Variants in GALNTL6 observed in about 807,000 individuals in gnomAD.
The protein encoded by GALNTL6 is polypeptide N-acetylgalactosaminyltransferase like 6.
Under a neutral mutation model 73.7 loss-of-function variants are expected in GALNTL6, and 46 were observed. That is an observed-to-expected ratio of 0.62 (90% CI 0.49 to 0.80). GALNTL6 has a LOEUF of 0.80. Ranked by LOEUF, GALNTL6 falls within the 30% of genes least tolerant of loss-of-function variation. GALNTL6 has a pLI of 0.00. For synonymous variants in GALNTL6, 259 were observed against 263.7 expected, an observed-to-expected ratio of 0.98 and a Z score of 0.17; for missense variants, 604 against 755.0, an observed-to-expected ratio of 0.80 and a Z score of 2.34.
At chr4:173,021,428 C>T (rs756059897) in intron 11 of GALNTL6, 48 bp from the exon 12 acceptor site, 1 of 1,603,984 alleles carries the variant, frequency 6.2e-7, no homozygotes, top group South Asian at 1.1e-5. Context: ...TGCATCTTCT[C>T]TCCAAAACAA....
intron 10 of GALNTL6, among the ~76,000 whole-genome samples, chr4:173,001,386 C>T (rs910677842): frequency 1.3e-5 from 2 of 152,088 alleles, no homozygotes; most frequent in African/African-American, 2.4e-5. Flanking sequence ...TCTAAATGGA[C>T]CTAAACATAA....
chr4:172,491,803 C>T (rs1733904536), intron 5 of GALNTL6, among the ~76,000 whole-genome samples: 1 of 152,092 alleles, frequency 6.6e-6, no homozygotes, highest in African/African-American at 2.4e-5. Context: ...TATGTCAACA[C>T]TTGTACCAAT....
chr4:172,041,929 A>T (rs973823482), intron 2 of GALNTL6, among the ~76,000 whole-genome samples: 1 of 152,096 alleles, frequency 6.6e-6, no homozygotes, highest in African/African-American at 2.4e-5. Flanking sequence ...CTGGCAGTTG[A>T]CAGATTCTTT....
In GALNTL6 at chr4:172,809,558, T is replaced by C. The variant is rs770998629; in HGVS notation, c.739+12T>C. On this transcript the variant is annotated intron_variant, in intron 6 of 12. Transcript: ENST00000506823. The surrounding 1 kb of genome is among the most constrained non-coding windows in gnomAD (Gnocchi z 4.4). ...GCCCCCACTCCTCAGTGAGTACAGGTTGCTAAGCACCATCCTGGGATGCCT... is the reference window on the plus strand; with the variant it reads ...GCCCCCACTCCTCAGTGAGTACAGGCTGCTAAGCACCATCCTGGGATGCCT... 1 of 1,600,136 alleles carries C rather than the reference T, an allele frequency of 6.2e-7. No homozygotes were observed. Among genetic ancestry groups the C allele is most frequent in the South Asian group, 1.1e-5 (1 of 88,960 alleles).
intron 2 of GALNTL6, among the ~76,000 whole-genome samples, chr4:172,136,892 T>C (rs1733651286): frequency 1.3e-5 from 2 of 151,982 alleles, no homozygotes; most frequent in Admixed American, 6.6e-5. Flanking sequence ...AAAGACCCCA[T>C]AGCAATTAAA....
chr4:171,955,275 A>C (rs2111037600), intron 2 of GALNTL6, among the ~76,000 whole-genome samples: 1 of 152,226 alleles, frequency 6.6e-6, no homozygotes, highest in Admixed American at 6.5e-5. Context: ...ACAATACTGA[A>C]ATTCTTAGCA....
intron 3 of GALNTL6, among the ~76,000 whole-genome samples, chr4:172,305,989 G>A (rs1740121433): frequency 1.3e-5 from 2 of 152,102 alleles, no homozygotes; most frequent in Non-Finnish European, 2.9e-5. Flanking sequence ...AGTCTTAGAA[G>A]TGACAGAATC....
intron 3 of GALNTL6, among the ~76,000 whole-genome samples, chr4:172,281,029 C>T (rs1475061982): frequency 4.6e-5 from 7 of 151,284 alleles, no homozygotes; most frequent in East Asian, 3.9e-4. Context: ...ATTAGCCGGG[C>T]GTGGTGGCGA....
At chr4:171,942,476 T>G (rs1738581067) in intron 2 of GALNTL6, among the ~76,000 whole-genome samples, 1 of 152,196 alleles carries the variant, frequency 6.6e-6, no homozygotes, top group African/African-American at 2.4e-5. Flanking sequence ...TTACTCTGCT[T>G]AATTCTAATA....
intron 5 of GALNTL6, among the ~76,000 whole-genome samples, chr4:172,803,324 G>T (rs752299994): frequency 2.0e-5 from 3 of 152,190 alleles, no homozygotes; most frequent in Non-Finnish European, 4.4e-5. Context: ...AGTGCCATTA[G>T]ATTCTGATAG....
rs148367877 is a variant in GALNTL6 at position 172,081,109 on chromosome 4, GA to G, written c.139-148546del. Among the ~76,000 whole-genome samples the G allele has an allele frequency of 8.2e-3, 1,254 of 152,232 alleles. 17 individuals are homozygous for G. Among genetic ancestry groups the G allele is most frequent in the African/African-American group, 0.028 (1,180 of 41,532 alleles). The stretch of plus-strand genomic sequence containing the variant: ...TAGCACCCAAGTGCATGAATATATA[GA>G]GGCAACAGTTACTTGAGAAAAAATA... On this transcript the variant is annotated intron_variant, in intron 2 of 12. Transcript: ENST00000506823.
intron 4 of GALNTL6, among the ~76,000 whole-genome samples, chr4:172,344,182 G>A (rs191831934): frequency 7.6e-4 from 116 of 152,164 alleles, no homozygotes; most frequent in Non-Finnish European, 1.3e-3. Context: ...TTCCATATTG[G>A]TACATCATCT....
At chr4:172,724,377 A>G (rs539645635) in intron 5 of GALNTL6, among the ~76,000 whole-genome samples, 20 of 152,334 alleles carry the variant, frequency 1.3e-4, no homozygotes, top group Non-Finnish European at 2.6e-4. Flanking sequence ...CTCACGTAAC[A>G]TAAAATCTGG....
chr4:172,957,632 C>T (rs560481646), intron 10 of GALNTL6, among the ~76,000 whole-genome samples: 2 of 152,164 alleles, frequency 1.3e-5, no homozygotes, highest in African/African-American at 4.8e-5. Context: ...CTTTGAGAAG[C>T]GTTTTTATTA....
intron 10 of GALNTL6, among the ~76,000 whole-genome samples, chr4:173,005,712 T>C (rs941455558): frequency 3.3e-5 from 5 of 152,174 alleles, no homozygotes; most frequent in African/African-American, 4.8e-5. Flanking sequence ...ATACTAATCT[T>C]GAGGAAGAGC....
chr4:172,654,407 A>G (rs144467233), intron 5 of GALNTL6, among the ~76,000 whole-genome samples: 174 of 152,332 alleles, frequency 1.1e-3, no homozygotes, highest in African/African-American at 3.6e-3. Flanking sequence ...ACTTTAGTTC[A>G]CTAATCCTTT....
At chr4:172,550,963 T>A (rs1440083242) in intron 5 of GALNTL6, among the ~76,000 whole-genome samples, 1 of 152,186 alleles carries the variant, frequency 6.6e-6, no homozygotes, top group Non-Finnish European at 1.5e-5. Context: ...TGAAACATAG[T>A]CCCGCAGGAG....
Position 171,916,089 on chromosome 4 carries a change from ATTCTACG to A in GALNTL6, c.138+101374_138+101380del, listed in dbSNP as rs199525857. The stretch of plus-strand genomic sequence containing the variant: ...ACTATCATAAGCATTTCTTATTCAT[ATTCTACG>A]TTTGAGATATCATTCTTTTTGATTA... On this transcript the variant is annotated intron_variant, in intron 2 of 12. Coordinates refer to ENST00000506823, the MANE Select transcript of GALNTL6 (RefSeq NM_001034845.3). Among the ~76,000 whole-genome samples the A allele has an allele frequency of 1.5e-3, 232 of 152,244 alleles. 1 individual carries two copies. Among genetic ancestry groups the A allele is most frequent in the Admixed American group, 0.01 (153 of 15,282 alleles).
Position 171,855,414 on chromosome 4 carries a change from T to G in GALNTL6, c.138+40696T>G, listed in dbSNP as rs148752691. Among the ~76,000 whole-genome samples, 1,452 of 152,354 alleles carry G rather than the reference T, an allele frequency of 9.5e-3. 13 individuals carry two copies. The highest frequency in any genetic ancestry group is 0.017 in the Non-Finnish European group (1,143 of 68,040). ...GATTGGTTTCTTTCACGTAGCAATA[T>G]GCATTTAAGTTTCCTCCATGTCTTT... On this transcript the variant is annotated intron_variant, in intron 2 of 12. Transcript: ENST00000506823.
Sources: allele counts gnomAD v4.1 joint callset (sites outside exome capture counted in the v4.1 genomes callset), GRCh38; gene constraint gnomAD v4.1.1; non-coding constraint Gnocchi (gnomAD v3.1); transcripts MANE v1.5; gene names NCBI Gene and HGNC (gene_info 2026-07-23, HGNC 2026-07-21).